The following COL5A1 variants were observed in gnomAD, a reference collection of about 807,000 sequenced individuals.
COL5A1 encodes the protein collagen type V alpha 1 chain.
COL5A1 carries 16 observed loss-of-function variants against 263.7 expected under a neutral mutation model. The observed-to-expected ratio is 0.06, with a 90% CI of 0.04 to 0.09. The LOEUF (loss-of-function observed/expected upper bound fraction) is 0.09. Among genes scored for constraint, COL5A1 ranks in the 10% least tolerant of loss-of-function variants. COL5A1 has a pLI of 1.00. For synonymous variants in COL5A1, 1,012 were observed against 1,004.5 expected (o/e 1.01, Z -0.14); for missense variants, 2,036 against 2,540.5 (o/e 0.80, Z 4.27).
intron 34 of COL5A1, 39 bp downstream of exon 34, chr9:134,795,354 C>T (rs1171014865): frequency 4.4e-6 from 7 of 1,601,444 alleles, no homozygotes; most frequent in Non-Finnish European, 6.0e-6. Flanking sequence ...CGGCGTGAAC[C>T]CAAGTTGCAA....
chr9:134,714,224 G>A (rs955527831), intron 4 of COL5A1, among the ~76,000 whole-genome samples: 4 of 152,106 alleles, frequency 2.6e-5, no homozygotes, highest in African/African-American at 9.7e-5. Flanking sequence ...GGAAAGGCTG[G>A]TGAGCCTTTC....
chr9:134,764,434 G>C (rs1453400657), intron 20 of COL5A1, among the ~76,000 whole-genome samples: 1 of 151,786 alleles, frequency 6.6e-6, no homozygotes, highest in Non-Finnish European at 1.5e-5. Flanking sequence ...TCACACACCT[G>C]AATCAGCCCG....
chr9:134,744,971 T>A (rs1262398143), intron 11 of COL5A1, among the ~76,000 whole-genome samples: 1 of 152,244 alleles, frequency 6.6e-6, no homozygotes, highest in African/African-American at 2.4e-5. Flanking sequence ...TGGGTTCACC[T>A]CCACACGGCC....
intron 39 of COL5A1, 100 bp from the exon 40 acceptor site, chr9:134,804,875 G>C (rs528728512): frequency 2.0e-5 from 20 of 1,020,582 alleles, no homozygotes; most frequent in Middle Eastern, 2.7e-4. Flanking sequence ...TGCGTTGCTG[G>C]CTCCAAGAGA....
chr9:134,706,021 C>T (rs1019046135), intron 4 of COL5A1, among the ~76,000 whole-genome samples: 6 of 152,222 alleles, frequency 3.9e-5, no homozygotes, highest in African/African-American at 1.4e-4. Context: ...GTTCGCAGGC[C>T]CCTGTCCTCC....
At chr9:134,786,078 G>A in intron 31 of COL5A1, 30 bp downstream of exon 31, 1 of 1,588,360 alleles carries the variant, frequency 6.3e-7, no homozygotes, top group Non-Finnish European at 8.6e-7. Context: ...GGTGTCCCGG[G>A]ACAGGCGGAG....
rs552068076 is a variant in COL5A1 at position 134,844,353 on chromosome 9, G to T, written c.*2050G>T. The T allele has an allele frequency of 6.5e-6, 1 of 152,732 alleles. No homozygotes were observed. The highest frequency in any genetic ancestry group is 6.5e-5 in the Admixed American group (1 of 15,300). The allele number at this position is 152,732 out of a possible 1,614,324, so 9.5% of individuals were successfully genotyped here. A position where few individuals can be genotyped will look rare whatever the true frequency, so the allele number is the denominator to read the frequency against. ...CGAGGACTGTCCCGCGACCCCCGTG[G>T]ACTGCGTCTAGGTCATGTGATTCTG... is the stretch of plus-strand genomic sequence containing the variant. On this transcript the variant is annotated 3_prime_UTR_variant, in exon 66 of 66. Coordinates refer to ENST00000371817, the MANE Select transcript of COL5A1 (RefSeq NM_000093.5).
At chr9:134,760,732 C>G (rs946486411) in intron 18 of COL5A1, among the ~76,000 whole-genome samples, 1 of 145,556 alleles carries the variant, frequency 6.9e-6, no homozygotes, top group African/African-American at 2.6e-5. Context: ...CACATGCACA[C>G]ACACCACACA....
chr9:134,668,954 C>CCAT (rs1554776453), intron 1 of COL5A1, among the ~76,000 whole-genome samples: 6 of 110,396 alleles, frequency 5.4e-5, no homozygotes, highest in Admixed American at 9.8e-5. Flanking sequence ...CACCCACCCA[C>CCAT]CCATCCATCC....
chr9:134,766,934 C>G (rs578021940), intron 22 of COL5A1, 66 bp from the exon 23 acceptor site: 6 of 1,465,610 alleles, frequency 4.1e-6, no homozygotes, highest in Non-Finnish European at 5.7e-6. Context: ...AGGGGGCACA[C>G]GACACCCAGG....
Position 134,739,642 on chromosome 9 carries a change from C to T in COL5A1, c.1494+834C>T, listed in dbSNP as rs573230572. Among the ~76,000 whole-genome samples, 57 of 152,172 alleles carry T rather than the reference C, an allele frequency of 3.7e-4. 1 individual carries two copies. Among genetic ancestry groups the T allele is most frequent in the Middle Eastern group, 3.4e-3 (1 of 294 alleles). On this transcript the variant is annotated intron_variant, in intron 11 of 65. Transcript: ENST00000371817. ...CTTCCCAGGTTACTGCACGGGGAGG[C>T]GTTTGGGGAGTGTCTTGTGCAGTGC...
At chr9:134,753,990 C>T in intron 15 of COL5A1, 87 bp downstream of exon 15, 1 of 1,199,142 alleles carries the variant, frequency 8.3e-7, no homozygotes, top group Non-Finnish European at 1.2e-6. Flanking sequence ...ACCCCAACTG[C>T]TGCATGTTTT....
At chr9:134,725,671 G>T (rs1370560703) in intron 4 of COL5A1, among the ~76,000 whole-genome samples, 1 of 152,222 alleles carries the variant, frequency 6.6e-6, no homozygotes, top group African/African-American at 2.4e-5. Context: ...AGGAATAAGT[G>T]CTTGCATGCT....
chr9:134,750,709 C>T, intron 12 of COL5A1, 81 bp from the exon 13 acceptor site: 1 of 1,595,030 alleles, frequency 6.3e-7, no homozygotes, highest in South Asian at 1.1e-5. Flanking sequence ...CTGGAGAGGC[C>T]TGTGGGCCCC....
At position 134,752,558 on chromosome 9, in the gene COL5A1, C is replaced by G. The variant is rs1436663626; in HGVS notation, c.1663-31C>G. 4 of 1,590,212 alleles carry G rather than the reference C, an allele frequency of 2.5e-6. No homozygotes were observed. In the Admixed American group the frequency reaches 5.0e-5, roughly 20 times the overall value. On this transcript the variant is annotated intron_variant, in intron 13 of 65. Coordinates refer to ENST00000371817, the MANE Select transcript of COL5A1 (RefSeq NM_000093.5). ...AAACCGGAGCACTGCTGCTGGGGCC[C>G]TGTCTCAGCGTGTCTCACTTTCCTT...
At chr9:134,746,583 C>T (rs1351118727) in intron 11 of COL5A1, among the ~76,000 whole-genome samples, 1 of 152,228 alleles carries the variant, frequency 6.6e-6, no homozygotes, top group African/African-American at 2.4e-5. Context: ...GACGTCTGGA[C>T]GTCCTCAGGA....
intron 2 of COL5A1, 111 bp downstream of exon 2, chr9:134,691,190 G>A (rs1386826223): frequency 2.1e-6 from 3 of 1,402,062 alleles, no homozygotes; most frequent in Non-Finnish European, 3.0e-6. Context: ...CAGCTTTCCA[G>A]GAAGCCCCTC....
chr9:134,786,287 G>A (rs11103526), intron 31 of COL5A1, among the ~76,000 whole-genome samples: 6 of 152,192 alleles, frequency 3.9e-5, no homozygotes, highest in South Asian at 2.1e-4. Context: ...TCCACCGGCC[G>A]TCTCCACCCT....
chr9:134,806,028 C>T (rs1467566937), intron 41 of COL5A1, among the ~76,000 whole-genome samples, 161 bp from the exon 42 acceptor site: 2 of 152,130 alleles, frequency 1.3e-5, no homozygotes, highest in African/African-American at 2.4e-5. Flanking sequence ...CACAGAGCCC[C>T]GAACGCTAGA....
Sources: gnomAD v4.1 joint callset for allele counts (sites outside exome capture counted in the v4.1 genomes callset) on GRCh38, gnomAD v4.1.1 for gene constraint, MANE v1.5 for transcripts, NCBI Gene and HGNC (gene_info 2026-07-23, HGNC 2026-07-21) for gene names.